SLC17A9: variants seen among roughly 807,000 people sequenced by gnomAD.
SLC17A9 encodes the protein voltage-gated purine nucleotide uniporter SLC17A9.
SLC17A9 carries 49 observed loss-of-function variants against 55.0 expected under a neutral mutation model. The observed-to-expected ratio is 0.89, with a 90% CI of 0.71 to 1.13. The LOEUF is 1.13. Ranked by LOEUF, SLC17A9 falls within the 50% of genes most tolerant of loss-of-function variation. The pLI, the probability that SLC17A9 is intolerant of heterozygous loss-of-function variation, is 0.00. For synonymous variants in SLC17A9, 256 were observed against 247.4 expected, an observed-to-expected ratio of 1.03 and a Z score of -0.32; for missense variants, 526 against 569.3, an observed-to-expected ratio of 0.92 and a Z score of 0.77.
At chr20:62,964,072 G>C (rs1287697078) in intron 7 of SLC17A9, 156 bp from the exon 8 acceptor site, 1 of 748,952 alleles carries the variant, frequency 1.3e-6, no homozygotes, top group Non-Finnish European at 2.3e-6. Context: ...GCCGGGTGGT[G>C]GTCAAGAGCT....
At chr20:62,965,091 A>T in intron 8 of SLC17A9, 41 bp from the exon 9 acceptor site, 1 of 1,613,644 alleles carries the variant, frequency 6.2e-7, no homozygotes, top group Non-Finnish European at 8.5e-7. Flanking sequence ...TGTCAGCACG[A>T]AAGGGCTAAC....
chr20:62,967,648 A>G lies in SLC17A9; in HGVS notation c.*148A>G. ...GTGGAGCCTGAAGCTCCTTAAGAAG[A>G]GTCCACAACAGCTGGTGGGAGGGTG... On this transcript the variant is annotated 3_prime_UTR_variant, in exon 13 of 13. Coordinates refer to ENST00000370351, the MANE Select transcript of SLC17A9 (RefSeq NM_022082.4). 4 of 234,628 alleles carry G rather than the reference A, an allele frequency of 1.7e-5. No homozygotes were observed. The highest frequency in any genetic ancestry group is 9.6e-5 in the South Asian group (2 of 20,890). The allele number at this position is 234,628 out of a possible 1,614,324, so 14.5% of individuals were successfully genotyped here.
chr20:62,952,972 C>T (rs888934633), intron 1 of SLC17A9, 83 bp downstream of exon 1: 40 of 1,379,544 alleles, frequency 2.9e-5, no homozygotes, highest in Admixed American at 4.5e-5. Flanking sequence ...CCACGTGGGA[C>T]GATGCTAGGT....
At chr20:62,963,501 AG>A in intron 6 of SLC17A9, 82 bp from the exon 7 acceptor site, 1 of 1,517,266 alleles carries the variant, frequency 6.6e-7, no homozygotes. Context: ...TCTGGCCCCC[AG>A]GGGACGCCTC....
At chr20:62,965,044 C>A (rs1010640410) in intron 8 of SLC17A9, 88 bp from the exon 9 acceptor site, 8 of 1,487,514 alleles carry the variant, frequency 5.4e-6, no homozygotes, top group South Asian at 1.1e-5. Flanking sequence ...CCCCTGCTGC[C>A]CCTCTGCAGC....
Position 62,960,564 on chromosome 20 carries a change from C to T in SLC17A9, c.458C>T (p.Ala153Val). 1 of 1,613,568 alleles carries T rather than the reference C, an allele frequency of 6.2e-7. No homozygotes were observed. The highest frequency in any genetic ancestry group is 8.5e-7 in the Non-Finnish European group (1 of 1,179,998). The change falls in exon 4 of 13, where the codon GCC becomes GTC. Residue 153 changes from alanine to valine, a missense_variant. Transcript: ENST00000370351. ...CAGAAGGTGCGGGAGAGTGAGCGAG[C>T]CTTCACCTACAGCATCGTGGGCGCC... The part of the protein sequence containing the change: ...LSQKVRESER[A>V]FTYSIVGAGS...
At chr20:62,956,614 G>T (rs1180113894) in intron 1 of SLC17A9, 151 bp from the exon 2 acceptor site, 2 of 694,344 alleles carry the variant, frequency 2.9e-6, no homozygotes, top group Non-Finnish European at 4.8e-6. Context: ...GGTGCGATTA[G>T]GTGTTTGAAT....
chr20:62,963,353 C>A lies in SLC17A9; in HGVS notation c.709C>A (p.Arg237=), dbSNP rs372963413. The A allele has an allele frequency of 3.7e-6, 6 of 1,613,448 alleles. No individual in the cohort carries two copies. The highest frequency in any genetic ancestry group is 3.3e-5 in the Admixed American group (2 of 60,010). Residue 237 remains arginine (R), a synonymous_variant, in exon 6 of 13, where the codon CGG becomes AGG. Transcript: ENST00000370351. ...HNRVPWRRLF[R]KPAVWAAVVS... is the part of the protein sequence containing the mutation. ...CAGAGTCCCCTGGAGACGGCTCTTC[C>A]GGAAGCCTGCTGTCTGGTGAGCTGG... is the stretch of plus-strand genomic sequence containing the variant.
intron 1 of SLC17A9, among the ~76,000 whole-genome samples, chr20:62,955,854 C>A (rs2065532550): frequency 6.6e-6 from 1 of 152,226 alleles, no homozygotes; most frequent in Admixed American, 6.5e-5. Flanking sequence ...TCTGTGGTAA[C>A]CCAGGGAGCA....
At chr20:62,953,356 G>C in intron 1 of SLC17A9, 1 of 1,462,152 alleles carries the variant, frequency 6.8e-7, no homozygotes, top group Non-Finnish European at 9.3e-7. Context: ...CTGAGGACGA[G>C]CTCCCCGCTG....
In SLC17A9 at chr20:62,966,544, C is replaced by T. The variant is rs552333138; in HGVS notation, c.1081C>T (p.Gln361Ter). The T allele has an allele frequency of 3.7e-6, 6 of 1,614,084 alleles. No individual in the cohort carries two copies. The highest frequency in any genetic ancestry group is 2.7e-5 in the African/African-American group (2 of 75,046). The change falls in exon 11 of 13, where the codon CAG (glutamine) becomes TAG (stop). Residue 361 changes from glutamine (Q) to a stop codon, truncating the protein, a stop_gained. Coordinates refer to ENST00000370351, the MANE Select transcript of SLC17A9 (RefSeq NM_022082.4). LOFTEE classifies it high-confidence loss of function. Reference sequence around the variant, plus strand: ...CCACAGTGGCATTTCTGTTAACATCCAGGACTTGGCCCCGTCCTGCGCCGG... The same window carrying T: ...CCACAGTGGCATTTCTGTTAACATCTAGGACTTGGCCCCGTCCTGCGCCGG... The part of the protein sequence containing the change: ...FNHSGISVNI[Q>*]DLAPSCAGFL...
rs1344285856 is a variant in SLC17A9 at position 62,958,719 on chromosome 20, C to G, written c.397+1139C>G. Reference sequence around the variant, plus strand: ...TCCAGAGACTTTGGGGAGTTCACTCCCAGGCCTCGTTCTCCTCCCTCTCCA... The same window carrying G: ...TCCAGAGACTTTGGGGAGTTCACTCGCAGGCCTCGTTCTCCTCCCTCTCCA... On this transcript the variant is annotated intron_variant, in intron 3 of 12. Transcript: ENST00000370351. This position sits in a 1 kb window ranked among gnomAD's most constrained non-coding sequence, Gnocchi z 4.1. Among the ~76,000 whole-genome samples the G allele has an allele frequency of 6.6e-6, 1 of 152,214 alleles. No individual in the cohort carries two copies. Among genetic ancestry groups the G allele is most frequent in the East Asian group, 1.9e-4 (1 of 5,198 alleles).
chr20:62,954,569 C>T (rs1214313585), intron 1 of SLC17A9, among the ~76,000 whole-genome samples: 2 of 152,168 alleles, frequency 1.3e-5, no homozygotes, highest in African/African-American at 4.8e-5. Flanking sequence ...TTGGCACACC[C>T]CCCGTCCCCC....
At chr20:62,953,963 C>T (rs1351318658) in intron 1 of SLC17A9, among the ~76,000 whole-genome samples, 1 of 152,248 alleles carries the variant, frequency 6.6e-6, no homozygotes, top group African/African-American at 2.4e-5. Context: ...CCAGGCCTGC[C>T]GGGCAGGGCC....
Position 62,962,659 on chromosome 20 carries a change from T to C in SLC17A9, c.533T>C (p.Leu178Pro), listed in dbSNP as rs745698787. 2 of 1,614,044 alleles carry C rather than the reference T, an allele frequency of 1.2e-6. No individual in the cohort carries two copies. The highest frequency in any genetic ancestry group is 4.5e-5 in the East Asian group (2 of 44,874). The change falls in exon 5 of 13, where the codon CTG becomes CCG. Residue 178 changes from leucine (L) to proline (P), a missense_variant. Coordinates refer to ENST00000370351, the MANE Select transcript of SLC17A9 (RefSeq NM_022082.4). The surrounding 1 kb of genome is among the most constrained non-coding windows in gnomAD (Gnocchi z 5.5). ...ACCGGGGCGGTGGGCTCCCTGCTCC[T>C]GGAATGGTACGGCTGGCAGAGCATC... ...LLTGAVGSLL[L>P]EWYGWQSIFY...
chr20:62,964,975 TG>T, intron 8 of SLC17A9, 156 bp from the exon 9 acceptor site: 1 of 774,870 alleles, frequency 1.3e-6, no homozygotes, highest in South Asian at 1.7e-5. Flanking sequence ...CACATGCGTG[TG>T]TGCACACGTT....
At chr20:62,963,103 T>A in intron 5 of SLC17A9, 170 bp from the exon 6 acceptor site, 1 of 710,766 alleles carries the variant, frequency 1.4e-6, no homozygotes, top group South Asian at 1.7e-5. Flanking sequence ...TGATGCTGCC[T>A]GTTAGGTGTC....
rs1054715115 is a variant in SLC17A9 at position 62,958,453 on chromosome 20, A to G, written c.397+873A>G. Among the ~76,000 whole-genome samples, 1 of 151,936 alleles carries G rather than the reference A, an allele frequency of 6.6e-6. No homozygotes were observed. The highest frequency in any genetic ancestry group is 2.4e-5 in the African/African-American group (1 of 41,368). ...GCCAAGGGGGCTTTGAGGGGCCCCT[A>G]CTTGGCTGGGGTCCCCTGGAGAAAC... On this transcript the variant is annotated intron_variant, in intron 3 of 12. Coordinates refer to ENST00000370351, the MANE Select transcript of SLC17A9 (RefSeq NM_022082.4). This position sits in a 1 kb window ranked among gnomAD's most constrained non-coding sequence, Gnocchi z 4.1.
At position 62,968,376 on chromosome 20, in the gene SLC17A9, G is replaced by A. The variant is rs894556418; in HGVS notation, c.*876G>A. 3.3e-5 allele frequency: 5 copies of A among 152,262 alleles called. No individual in the cohort carries two copies. The highest frequency in any genetic ancestry group is 2.4e-5 in the African/African-American group (1 of 41,468). 9.4% of individuals were successfully genotyped at this position (152,262 alleles called of 1,614,324 possible). ...CCTGGTGATTCTGCTCTCCAGGGAC[G>A]GTTGGCACCTTCCTCGGGGGCGGGC... On this transcript the variant is annotated 3_prime_UTR_variant, in exon 13 of 13. Coordinates refer to ENST00000370351, the MANE Select transcript of SLC17A9 (RefSeq NM_022082.4).
Sources: gnomAD v4.1 joint callset for allele counts (sites outside exome capture counted in the v4.1 genomes callset) on GRCh38, gnomAD v4.1.1 for gene constraint, Gnocchi (gnomAD v3.1) non-coding constraint, MANE v1.5 for transcripts, NCBI Gene and HGNC (gene_info 2026-07-23, HGNC 2026-07-21) for gene names.